GALNT13: variants seen among roughly 807,000 people sequenced by gnomAD.
GALNT13 encodes polypeptide N-acetylgalactosaminyltransferase 13.
In GALNT13, 28 loss-of-function variants were observed where a neutral mutation model predicts 64.2. The observed-to-expected ratio is 0.44, with a 90% CI of 0.32 to 0.60. The LOEUF (loss-of-function observed/expected upper bound fraction) is 0.60, where lower values mean the gene tolerates loss of function less well. Ranked by LOEUF, GALNT13 falls within the 20% of genes least tolerant of loss-of-function variation. The probability of loss-of-function intolerance (pLI) is 0.05; values close to 1 mark genes in which losing one functional copy is unlikely to be tolerated. For missense variants in GALNT13, 577 were observed against 669.8 expected, an observed-to-expected ratio of 0.86 and a Z score of 1.53; for synonymous variants, 214 against 224.6, an observed-to-expected ratio of 0.95 and a Z score of 0.42.
chr2:153,253,113 T>C, the GALNT13 span, among the ~76,000 whole-genome samples: 2 of 151,898 alleles, frequency 1.3e-5, no homozygotes, highest in Middle Eastern at 3.4e-3. Context: ...CATGGGATAT[T>C]CTTCCATTTG....
the GALNT13 span, among the ~76,000 whole-genome samples, chr2:153,194,123 T>C: frequency 6.6e-6 from 1 of 152,174 alleles, no homozygotes; most frequent in Non-Finnish European, 1.5e-5. Context: ...CCTTTATCTG[T>C]ATGTCTAAAT....
the GALNT13 span, among the ~76,000 whole-genome samples, chr2:153,604,284 G>C: frequency 6.6e-6 from 1 of 152,018 alleles, no homozygotes; most frequent in East Asian, 1.9e-4. Flanking sequence ...TTTGAAAGGG[G>C]TGTGAATGTA....
chr2:153,556,117 T>G, the GALNT13 span, among the ~76,000 whole-genome samples: 1 of 152,216 alleles, frequency 6.6e-6, no homozygotes, highest in East Asian at 1.9e-4. Flanking sequence ...TCATTTTTCT[T>G]TTTTCATAGA....
At chr2:154,176,409 C>T (rs962066416) in intron 4 of GALNT13, among the ~76,000 whole-genome samples, 5 of 151,574 alleles carry the variant, frequency 3.3e-5, no homozygotes, top group Non-Finnish European at 7.4e-5. Flanking sequence ...CCCGCCACCA[C>T]GCCTGGCTAA....
At chr2:154,448,821 G>A (rs1016211257) in intron 12 of GALNT13, among the ~76,000 whole-genome samples, 21 of 151,836 alleles carry the variant, frequency 1.4e-4, no homozygotes, top group Non-Finnish European at 3.1e-4. Flanking sequence ...AGTGCTTTCC[G>A]GGGTAGCTTA....
intron 4 of GALNT13, among the ~76,000 whole-genome samples, chr2:154,234,942 G>A (rs2194428): frequency 0.99 from 151,273 of 152,250 alleles, 75,158 homozygotes; most frequent in Middle Eastern, 1. Context: ...ATTAAGGCAT[G>A]TAGAAGGTAC....
At chr2:154,277,940 A>G (rs111514839) in intron 8 of GALNT13, among the ~76,000 whole-genome samples, 4,154 of 152,248 alleles carry the variant, frequency 0.027, 94 homozygotes, top group Non-Finnish European at 0.043. Flanking sequence ...ATACACCTGC[A>G]TGTGATAATA....
intron 3 of GALNT13, among the ~76,000 whole-genome samples, chr2:154,096,677 C>G (rs1209452654): frequency 6.6e-6 from 1 of 152,062 alleles, no homozygotes; most frequent in Non-Finnish European, 1.5e-5. Flanking sequence ...TTAATAACTT[C>G]TTGTTGGCTC....
the GALNT13 span, among the ~76,000 whole-genome samples, chr2:153,242,756 T>C: frequency 6.6e-6 from 1 of 152,218 alleles, no homozygotes; most frequent in Non-Finnish European, 1.5e-5. Context: ...TTCTTGCCAC[T>C]GTTGATGCCC....
the GALNT13 span, among the ~76,000 whole-genome samples, chr2:153,440,123 A>G: frequency 1.4e-5 from 2 of 138,270 alleles, no homozygotes; most frequent in East Asian, 4.7e-4. Flanking sequence ...CCAACAGGCC[A>G]CAGTGGGTAA....
At chr2:153,360,732 C>G in the GALNT13 span, among the ~76,000 whole-genome samples, 1 of 152,136 alleles carries the variant, frequency 6.6e-6, no homozygotes, top group Admixed American at 6.5e-5. Context: ...TGAACCTGAG[C>G]CCCTAGGGGG....
chr2:153,587,585 T>C, the GALNT13 span, among the ~76,000 whole-genome samples: 2 of 152,148 alleles, frequency 1.3e-5, no homozygotes, highest in African/African-American at 4.8e-5. Context: ...ACTTATTCAC[T>C]ATCACAAGAA....
At chr2:154,403,508 AG>A (rs1200055873) in intron 10 of GALNT13, among the ~76,000 whole-genome samples, 3 of 151,726 alleles carry the variant, frequency 2.0e-5, no homozygotes, top group African/African-American at 7.3e-5. Flanking sequence ...TCTCTATCCC[AG>A]GTGATATGTC....
the GALNT13 span, among the ~76,000 whole-genome samples, chr2:153,790,742 C>G: frequency 6.6e-6 from 1 of 152,280 alleles, no homozygotes; most frequent in African/African-American, 2.4e-5. Context: ...ATGATAAACA[C>G]TTCAGCAAAG....
At chr2:153,269,193 A>G in the GALNT13 span, among the ~76,000 whole-genome samples, 1 of 152,220 alleles carries the variant, frequency 6.6e-6, no homozygotes, top group Non-Finnish European at 1.5e-5. Context: ...AAAAAAAATA[A>G]AAGTTTCACT....
the GALNT13 span, among the ~76,000 whole-genome samples, chr2:153,117,069 G>A: frequency 1.3e-5 from 2 of 152,184 alleles, no homozygotes; most frequent in South Asian, 4.2e-4. Flanking sequence ...AAAGTGCTGG[G>A]ATTACAGGTG....
intron 9 of GALNT13, among the ~76,000 whole-genome samples, chr2:154,384,582 A>G (rs911624544): frequency 2.6e-5 from 4 of 151,914 alleles, no homozygotes; most frequent in African/African-American, 4.8e-5. Flanking sequence ...GACATAACTA[A>G]TTCAAAACCA....
intron 8 of GALNT13, among the ~76,000 whole-genome samples, chr2:154,286,305 T>C (rs1192217559): frequency 6.6e-6 from 1 of 152,226 alleles, no homozygotes; most frequent in Non-Finnish European, 1.5e-5. Context: ...TGATATTAGC[T>C]GTGGCCTTAT....
the GALNT13 span, among the ~76,000 whole-genome samples, chr2:153,406,592 G>A: frequency 6.6e-6 from 1 of 152,022 alleles, no homozygotes; most frequent in Non-Finnish European, 1.5e-5. Flanking sequence ...ACTTTTGATA[G>A]AAAGGGGGTT....
Sources: gnomAD v4.1 joint callset for allele counts (sites outside exome capture counted in the v4.1 genomes callset) on GRCh38, gnomAD v4.1.1 for gene constraint, MANE v1.5 for transcripts, NCBI Gene and HGNC (gene_info 2026-07-23, HGNC 2026-07-21) for gene names.